The following FER variants were observed in gnomAD, a reference collection of about 807,000 sequenced individuals.
The protein encoded by FER is FER tyrosine kinase.
FER carries 63 observed loss-of-function variants against 111.0 expected under a neutral mutation model. That is an observed-to-expected ratio of 0.57 (90% CI 0.46 to 0.70). FER has a LOEUF of 0.70. Ranked by LOEUF, FER falls within the 30% of genes least tolerant of loss-of-function variation. The pLI is 0.00. For synonymous variants in FER, 327 were observed against 313.9 expected (o/e 1.04, Z -0.44); for missense variants, 914 against 954.0 (o/e 0.96, Z 0.55).
chr5:108,855,826 A>G (rs1275285087), intron 5 of FER, among the ~76,000 whole-genome samples: 1 of 152,134 alleles, frequency 6.6e-6, no homozygotes, highest in Non-Finnish European at 1.5e-5. Flanking sequence ...AAAACCCTAA[A>G]TGGGCTGGGT....
chr5:108,873,054 CATG>C (rs140199686), intron 8 of FER, among the ~76,000 whole-genome samples: 6,849 of 152,186 alleles, frequency 0.045, 161 homozygotes, highest in African/African-American at 0.056. Context: ...TGTTCAGTAA[CATG>C]GTGGTGGTAC....
intron 11 of FER, among the ~76,000 whole-genome samples, chr5:108,951,897 G>C (rs1189791691): frequency 6.6e-6 from 1 of 152,040 alleles, no homozygotes; most frequent in Non-Finnish European, 1.5e-5. Flanking sequence ...GCCTGGACCA[G>C]GGTAAGGAGA....
intron 3 of FER, among the ~76,000 whole-genome samples, chr5:108,803,602 G>T (rs1383344654): frequency 6.6e-6 from 1 of 151,260 alleles, no homozygotes; most frequent in East Asian, 1.9e-4. Flanking sequence ...TTCTTTCCCT[G>T]TTGCTTATTT....
chr5:108,871,762 ATT>A (rs11338048), intron 7 of FER, among the ~76,000 whole-genome samples: 6 of 149,978 alleles, frequency 4.0e-5, no homozygotes, highest in Non-Finnish European at 5.9e-5. Context: ...AATCCATGAA[ATT>A]TTTTTTTTAT....
At chr5:108,758,088 A>G (rs1751316953) in intron 1 of FER, among the ~76,000 whole-genome samples, 1 of 152,356 alleles carries the variant, frequency 6.6e-6, no homozygotes, top group African/African-American at 2.4e-5. Context: ...AATAATGTAG[A>G]AATGTTCTAT....
intron 15 of FER, among the ~76,000 whole-genome samples, chr5:109,046,334 C>T (rs750681540): frequency 1.3e-5 from 2 of 151,806 alleles, no homozygotes; most frequent in East Asian, 1.9e-4. Flanking sequence ...AAATCAAGTG[C>T]GTGTGTTAAA....
rs188642272 is a variant in FER at position 109,119,766 on chromosome 5, C to T, written c.2048+19247C>T. On this transcript the variant is annotated intron_variant, in intron 17 of 19. Transcript: ENST00000281092. ...TGTACCAAGAGTTCCTTTTTCTCCA[C>T]ATCTTCACCAGCATTTGTGATTGCC... Among the ~76,000 whole-genome samples, 188 of 152,166 alleles carry T rather than the reference C, an allele frequency of 1.2e-3. No homozygotes were observed. In the Middle Eastern group the frequency reaches 0.024, roughly 19 times the overall value.
intron 17 of FER, among the ~76,000 whole-genome samples, chr5:109,157,354 A>G (rs1755510229): frequency 6.6e-6 from 1 of 151,834 alleles, no homozygotes; most frequent in Admixed American, 6.7e-5. Context: ...GTGATCAGTA[A>G]TGGGGGAGGC....
At chr5:109,107,884 C>T (rs555282739) in intron 17 of FER, among the ~76,000 whole-genome samples, 2 of 152,264 alleles carry the variant, frequency 1.3e-5, no homozygotes, top group Admixed American at 6.5e-5. Context: ...CCAGGCCCAG[C>T]ATCTGCAGGT....
At chr5:109,122,522 A>G (rs1235481368) in intron 17 of FER, among the ~76,000 whole-genome samples, 2 of 48,254 alleles carry the variant, frequency 4.1e-5, no homozygotes, top group East Asian at 3.0e-4. Context: ...ATGTGCTGAG[A>G]AAAAAAAAAA....
At chr5:109,091,353 G>T (rs950307381) in intron 16 of FER, among the ~76,000 whole-genome samples, 1 of 152,152 alleles carries the variant, frequency 6.6e-6, no homozygotes, top group Non-Finnish European at 1.5e-5. Flanking sequence ...GTGGGCCCAG[G>T]TGCTGTCCTC....
chr5:109,190,609 T>G lies in FER; in HGVS notation c.*3034T>G, dbSNP rs774349678. On this transcript the variant is annotated 3_prime_UTR_variant, in exon 20 of 20. Transcript: ENST00000281092. ...TAATCTAAGGCCAAAGCCAACATAT[T>G]CTTTCTCTTCTGGGAAAATAAAATT... 11 of 152,282 alleles carry G rather than the reference T, an allele frequency of 7.2e-5. No homozygotes were observed. Among genetic ancestry groups the G allele is most frequent in the Non-Finnish European group, 1.5e-4 (10 of 68,008 alleles). 9.4% of individuals were successfully genotyped at this position (152,282 alleles called of 1,614,324 possible).
At chr5:108,827,006 A>G (rs932977284) in intron 3 of FER, among the ~76,000 whole-genome samples, 1 of 152,166 alleles carries the variant, frequency 6.6e-6, no homozygotes, top group Non-Finnish European at 1.5e-5. Context: ...TTACTGATTC[A>G]AACAATTTAG....
intron 10 of FER, among the ~76,000 whole-genome samples, chr5:108,919,377 C>T (rs568386546): frequency 2.6e-5 from 4 of 151,782 alleles, no homozygotes; most frequent in African/African-American, 7.2e-5. Flanking sequence ...GAAACATGTC[C>T]TATTTTGGAG....
intron 13 of FER, among the ~76,000 whole-genome samples, chr5:109,010,586 T>G (rs566311772): frequency 1.3e-5 from 2 of 152,296 alleles, no homozygotes; most frequent in Admixed American, 1.3e-4. Context: ...ATTAAGATAG[T>G]CCAAAAGAGA....
intron 16 of FER, among the ~76,000 whole-genome samples, chr5:109,058,565 A>C (rs1773934595): frequency 6.6e-6 from 1 of 151,824 alleles, no homozygotes; most frequent in Non-Finnish European, 1.5e-5. Context: ...ATGTTTTCTT[A>C]TCTCCAGTGA....
At chr5:108,980,150 C>G (rs1489590726) in intron 13 of FER, among the ~76,000 whole-genome samples, 1 of 151,940 alleles carries the variant, frequency 6.6e-6, no homozygotes, top group Non-Finnish European at 1.5e-5. Flanking sequence ...AAAACAAAAT[C>G]AAATTTTTTT....
At chr5:108,879,701 A>AAAAAAAATATATATATATATATAT in intron 8 of FER, among the ~76,000 whole-genome samples, 2 of 99,128 alleles carry the variant, frequency 2.0e-5, no homozygotes, top group African/African-American at 9.6e-5. Context: ...ATTAAAAAAA[A>AAAAAAAATATATATATATATATAT]ATATATATAT....
intron 9 of FER, chr5:108,891,636 G>T: frequency 6.6e-6 from 1 of 151,206 alleles, no homozygotes. Context: ...AGATCTCAGA[G>T]GTTTTTTTCT....
Sources: allele counts gnomAD v4.1 joint callset (sites outside exome capture counted in the v4.1 genomes callset), GRCh38; gene constraint gnomAD v4.1.1; transcripts MANE v1.5; gene names NCBI Gene and HGNC (gene_info 2026-07-23, HGNC 2026-07-21).